HEPH: variants seen among roughly 807,000 people sequenced by gnomAD.
HEPH encodes the protein hephaestin.
A neutral mutation model predicts 80.8 loss-of-function variants in HEPH; 69 were observed. That is an observed-to-expected ratio of 0.85 (90% CI 0.70 to 1.04). HEPH has a LOEUF of 1.04. HEPH is among the 50% of genes least tolerant of loss of function. HEPH has a pLI of 0.00. For synonymous variants in HEPH, 431 were observed against 322.8 expected, an observed-to-expected ratio of 1.34 and a Z score of -3.60; for missense variants, 1,115 against 891.3, an observed-to-expected ratio of 1.25 and a Z score of -3.20.
chrX:66,201,332 G>A (rs143532868), intron 12 of HEPH, among the ~76,000 whole-genome samples: 1 of 110,441 alleles, frequency 9.1e-6, no homozygotes, highest in East Asian at 2.9e-4. Context: ...AACTTGCTGC[G>A]TAACTTTGGT....
chrX:66,187,210 G>T (rs1396560865), intron 4 of HEPH, among the ~76,000 whole-genome samples: 1 of 111,180 alleles, frequency 9.0e-6, no homozygotes, highest in Admixed American at 9.6e-5. Context: ...GTGCCTCCCT[G>T]ATTAGCTTAA....
intron 4 of HEPH, among the ~76,000 whole-genome samples, chrX:66,176,976 TTAAAC>T (rs2086837240): frequency 9.0e-6 from 1 of 111,244 alleles, no homozygotes; most frequent in African/African-American, 3.3e-5. Flanking sequence ...TGGGATCTAA[TTAAAC>T]TAAAGAGCTT....
intron 5 of HEPH, 109 bp from the exon 6 acceptor site, chrX:66,189,575 C>A (rs2087680617): frequency 1.2e-6 from 1 of 831,902 alleles, no homozygotes. Context: ...ACACAGTGTG[C>A]TGTTTATAAC....
At chrX:66,239,015 G>T (rs1039843318) in intron 15 of HEPH, among the ~76,000 whole-genome samples, 2 of 112,398 alleles carry the variant, frequency 1.8e-5, no homozygotes, top group Non-Finnish European at 3.8e-5. Context: ...GGTGGGCCAG[G>T]TGTTCCTTGC....
chrX:66,219,996 G>A (rs2089570520), intron 15 of HEPH, among the ~76,000 whole-genome samples: 1 of 111,524 alleles, frequency 9.0e-6, no homozygotes, highest in Admixed American at 9.4e-5. Context: ...GTTTTTGCCC[G>A]AGGCAGCTGA....
intron 18 of HEPH, among the ~76,000 whole-genome samples, chrX:66,259,869 C>T (rs1602566838): frequency 2.7e-5 from 3 of 109,241 alleles, no homozygotes; most frequent in East Asian, 5.7e-4. Context: ...CTACCATGCC[C>T]GGCAATTTTT....
chrX:66,208,576 G>A (rs1211638052), intron 15 of HEPH, among the ~76,000 whole-genome samples: 1 of 95,819 alleles, frequency 1.0e-5, no homozygotes, highest in Non-Finnish European at 2.1e-5. Flanking sequence ...CCAACATCAT[G>A]CCACTGCACT....
chrX:66,240,700 A>T (rs1469519994), intron 15 of HEPH, among the ~76,000 whole-genome samples: 2 of 112,175 alleles, frequency 1.8e-5, no homozygotes, highest in Admixed American at 9.5e-5. Flanking sequence ...AATCTTTTAC[A>T]TGCTGAAAGA....
intron 15 of HEPH, among the ~76,000 whole-genome samples, chrX:66,245,926 G>A (rs73630916): frequency 0.06 from 6,763 of 112,062 alleles, 471 homozygotes; most frequent in African/African-American, 0.21. Flanking sequence ...CTGTCTCTGT[G>A]CCTATGTTTC....
At chrX:66,260,480 CCT>C (rs777155882) in intron 19 of HEPH, among the ~76,000 whole-genome samples, 1 of 111,373 alleles carries the variant, frequency 9.0e-6, no homozygotes, top group South Asian at 3.9e-4. Context: ...TTTCTAATCC[CCT>C]GACACCTGTC....
intron 20 of HEPH, among the ~76,000 whole-genome samples, chrX:66,265,569 G>T (rs189763197): frequency 4.1e-4 from 45 of 110,821 alleles, no homozygotes; most frequent in African/African-American, 1.3e-3. Context: ...TAATTATGGG[G>T]GTACAAGGTA....
chrX:66,238,784 A>G (rs763421961), intron 15 of HEPH, among the ~76,000 whole-genome samples: 2 of 112,150 alleles, frequency 1.8e-5, no homozygotes, highest in Non-Finnish European at 3.8e-5. Flanking sequence ...AGCCCCAAAC[A>G]GAGATTTACC....
At chrX:66,248,171 T>C (rs2090881885) in intron 15 of HEPH, among the ~76,000 whole-genome samples, 1 of 111,879 alleles carries the variant, frequency 8.9e-6, no homozygotes, top group Non-Finnish European at 1.9e-5. Context: ...CAACATGCTC[T>C]AGTACTGTAG....
At chrX:66,220,611 G>A (rs958158386) in intron 15 of HEPH, among the ~76,000 whole-genome samples, 1 of 111,952 alleles carries the variant, frequency 8.9e-6, no homozygotes, top group Non-Finnish European at 1.9e-5. Flanking sequence ...CATGACAAAT[G>A]TACTTATTTT....
intron 15 of HEPH, among the ~76,000 whole-genome samples, chrX:66,241,939 C>T (rs1216896444): frequency 9.0e-6 from 1 of 110,617 alleles, no homozygotes; most frequent in African/African-American, 3.3e-5. Flanking sequence ...GACCATACCA[C>T]CCAAAACAAT....
intron 15 of HEPH, among the ~76,000 whole-genome samples, chrX:66,212,844 T>G (rs750129346): frequency 9.0e-6 from 1 of 110,533 alleles, no homozygotes; most frequent in East Asian, 2.8e-4. Flanking sequence ...ATTTTCAAAT[T>G]TTTAAAAAGT....
At chrX:66,191,215 C>T (rs753877027) in intron 6 of HEPH, among the ~76,000 whole-genome samples, 5 of 111,623 alleles carry the variant, frequency 4.5e-5, no homozygotes, top group Non-Finnish European at 9.4e-5. Context: ...GTTATTTAAC[C>T]TGTCTGACCT....
intron 12 of HEPH, among the ~76,000 whole-genome samples, chrX:66,202,465 T>A (rs1289619679): frequency 9.0e-6 from 1 of 111,574 alleles, no homozygotes; most frequent in Non-Finnish European, 1.9e-5. Context: ...TTGATCGACA[T>A]TGAGTTTGAG....
At chrX:66,217,219 G>A (rs1461376728) in intron 15 of HEPH, among the ~76,000 whole-genome samples, 1 of 111,013 alleles carries the variant, frequency 9.0e-6, no homozygotes, top group Non-Finnish European at 1.9e-5. Context: ...CGTTGCCTAG[G>A]TACATAGCTG....
Sources: allele counts gnomAD v4.1 joint callset (sites outside exome capture counted in the v4.1 genomes callset), GRCh38; gene constraint gnomAD v4.1.1; transcripts MANE v1.5; gene names NCBI Gene and HGNC (gene_info 2026-07-23, HGNC 2026-07-21).